Variants in PLXNA4 observed in about 807,000 individuals in gnomAD.
The protein encoded by PLXNA4 is plexin A4, also known as plexin-A4.
Under a neutral mutation model 191.8 loss-of-function variants are expected in PLXNA4, and 44 were observed. That is an observed-to-expected ratio of 0.23 (90% CI 0.18 to 0.29). The LOEUF (loss-of-function observed/expected upper bound fraction) is 0.29, where lower values mean the gene tolerates loss of function less well. Among genes scored for constraint, PLXNA4 ranks in the 10% least tolerant of loss-of-function variants. The probability of loss-of-function intolerance (pLI) is 1.00; values close to 1 mark genes in which losing one functional copy is unlikely to be tolerated. For synonymous variants in PLXNA4, 1,082 were observed against 1,009.5 expected (o/e 1.07, Z -1.36); for missense variants, 1,800 against 2,488.8 (o/e 0.72, Z 5.89).
At chr7:132,527,636 G>A (rs1391474334) in intron 1 of PLXNA4, among the ~76,000 whole-genome samples, 3 of 150,758 alleles carry the variant, frequency 2.0e-5, no homozygotes, top group Admixed American at 6.6e-5. Context: ...AATCAATGAC[G>A]CAAAGGCTCA....
At chr7:132,531,665 GAGTTC>G (rs1799619756) in intron 1 of PLXNA4, among the ~76,000 whole-genome samples, 1 of 152,126 alleles carries the variant, frequency 6.6e-6, no homozygotes, top group Non-Finnish European at 1.5e-5. Flanking sequence ...AGCCAAAATC[GAGTTC>G]AGTTAAGAAC....
rs1292428299 is a variant in PLXNA4, at chr7:132,211,105, C to T, written c.2136G>A (p.Val712=). 7.0e-6 allele frequency: 11 copies of T among 1,578,222 alleles called. No individual in the cohort carries two copies. The highest frequency in any genetic ancestry group is 3.5e-5 in the South Asian group (3 of 86,570). The part of the protein sequence containing the change: ...PQLLRVDKIL[V]PVEVIKPITL... Reference sequence around the variant, plus strand: ...TGATAGGCTTGATCACCTCCACGGGCACCAGGATCTTGTCCACTCGCAGCA... The same window carrying T: ...TGATAGGCTTGATCACCTCCACGGGTACCAGGATCTTGTCCACTCGCAGCA... The change falls in exon 10 of 32, where the codon GTG becomes GTA. Residue 712 remains valine (V), a synonymous_variant. Coordinates refer to ENST00000321063, the MANE Select transcript of PLXNA4 (RefSeq NM_020911.2).
At chr7:132,563,146 T>C (rs1563175597) in intron 1 of PLXNA4, among the ~76,000 whole-genome samples, 2 of 76,916 alleles carry the variant, frequency 2.6e-5, no homozygotes, top group Admixed American at 1.2e-4. Flanking sequence ...CTTCTCCTCT[T>C]CCTCCTTCTC....
intron 1 of PLXNA4, among the ~76,000 whole-genome samples, chr7:132,530,670 G>GA (rs1413369250): frequency 4.6e-5 from 7 of 152,156 alleles, no homozygotes; most frequent in African/African-American, 1.7e-4. Context: ...AGCTACTGTG[G>GA]AAAACTATTT....
At chr7:132,136,531 A>C (rs1297256137) in intron 30 of PLXNA4, among the ~76,000 whole-genome samples, 1 of 152,148 alleles carries the variant, frequency 6.6e-6, no homozygotes, top group Non-Finnish European at 1.5e-5. Context: ...AGCACCCCTG[A>C]GGTCCTGACA....
chr7:132,188,956 A>AGGAGAGGAGAGGAGAGGAG (rs1562908616), intron 14 of PLXNA4, among the ~76,000 whole-genome samples: 3 of 47,588 alleles, frequency 6.3e-5, no homozygotes, highest in East Asian at 6.6e-4. Flanking sequence ...CCAGAGAGGA[A>AGGAGAGGAGAGGAGAGGAG]AGGAAAGGAA....
intron 3 of PLXNA4, among the ~76,000 whole-genome samples, chr7:132,325,496 A>C (rs1444774055): frequency 6.6e-6 from 1 of 152,218 alleles, no homozygotes. Flanking sequence ...TTGCAGAAAT[A>C]ATCAAGATAA....
At chr7:132,130,685 A>T in intron 31 of PLXNA4, 111 bp from the exon 32 acceptor site, 1 of 1,519,202 alleles carries the variant, frequency 6.6e-7, no homozygotes, top group Non-Finnish European at 9.0e-7. Context: ...AGCCACAGGC[A>T]TGTGCAGGGG....
At chr7:132,327,682 G>A (rs1250843149) in intron 3 of PLXNA4, among the ~76,000 whole-genome samples, 1 of 152,160 alleles carries the variant, frequency 6.6e-6, no homozygotes, top group Non-Finnish European at 1.5e-5. Flanking sequence ...GGTCACATCT[G>A]GATCCCGCAT....
intron 1 of PLXNA4, among the ~76,000 whole-genome samples, chr7:132,561,130 A>G (rs1285897116): frequency 6.7e-6 from 1 of 149,760 alleles, no homozygotes; most frequent in African/African-American, 2.5e-5. Flanking sequence ...CCCACTTCCC[A>G]CCTCTGCCTT....
intron 3 of PLXNA4, among the ~76,000 whole-genome samples, chr7:132,449,418 G>A (rs1796034729): frequency 6.6e-6 from 1 of 152,150 alleles, no homozygotes; most frequent in African/African-American, 2.4e-5. Context: ...ATTCAGAAGT[G>A]GACTCAGAAG....
At chr7:132,510,976 G>T (rs1459858126) in intron 1 of PLXNA4, among the ~76,000 whole-genome samples, 1 of 152,324 alleles carries the variant, frequency 6.6e-6, no homozygotes, top group Admixed American at 6.5e-5. Context: ...GAGGAAAAGA[G>T]CAAAGGCCCC....
At chr7:132,497,122 G>GCACACACACACACACA (rs34913954) in intron 2 of PLXNA4, among the ~76,000 whole-genome samples, 4 of 150,186 alleles carry the variant, frequency 2.7e-5, no homozygotes, top group African/African-American at 9.8e-5. Flanking sequence ...GTGCACGCAC[G>GCACACACACACACACA]CACACACACA....
At chr7:132,624,411 G>A (rs1234266734) in intron 2 of PLXNA4, among the ~76,000 whole-genome samples, 2 of 152,256 alleles carry the variant, frequency 1.3e-5, no homozygotes, top group Admixed American at 6.5e-5. Flanking sequence ...CACTGAGAAA[G>A]GTGATCCTTT....
At chr7:132,328,923 G>A (rs1802482350) in intron 3 of PLXNA4, among the ~76,000 whole-genome samples, 1 of 152,174 alleles carries the variant, frequency 6.6e-6, no homozygotes, top group Non-Finnish European at 1.5e-5. Context: ...TGTCCCATCT[G>A]GCCTCAGGTT....
chr7:132,549,640 T>G (rs772324306), intron 1 of PLXNA4, among the ~76,000 whole-genome samples: 17 of 152,198 alleles, frequency 1.1e-4, no homozygotes, highest in Non-Finnish European at 2.4e-4. Flanking sequence ...GTCATTTCCC[T>G]GAGTCATTAC....
chr7:132,193,918 A>T, intron 14 of PLXNA4, 144 bp downstream of exon 14: 1 of 1,062,520 alleles, frequency 9.4e-7, no homozygotes, highest in Non-Finnish European at 1.3e-6. Context: ...CACTCACTAT[A>T]AGACAGGAGT....
chr7:132,245,670 A>T (rs1327437025), intron 4 of PLXNA4, among the ~76,000 whole-genome samples: 1 of 152,246 alleles, frequency 6.6e-6, no homozygotes, highest in Non-Finnish European at 1.5e-5. Flanking sequence ...TAGCCAAAAG[A>T]TGGAAGCAAC....
At chr7:132,481,161 G>C (rs544765990) in intron 3 of PLXNA4, among the ~76,000 whole-genome samples, 1 of 152,232 alleles carries the variant, frequency 6.6e-6, no homozygotes, top group Admixed American at 6.5e-5. Context: ...TGTCCCTAAA[G>C]TGCTCCCCTC....
Sources: gnomAD v4.1 joint callset for allele counts (sites outside exome capture counted in the v4.1 genomes callset) on GRCh38, gnomAD v4.1.1 for gene constraint, MANE v1.5 for transcripts, NCBI Gene and HGNC (gene_info 2026-07-23, HGNC 2026-07-21) for gene names.